Variants in LHX8 observed in about 807,000 individuals in gnomAD.
LHX8 encodes the protein LIM/homeobox protein Lhx8.
In LHX8, 12 loss-of-function variants were observed where a neutral mutation model predicts 40.3. The ratio of observed to expected loss-of-function variants is 0.30; its 90% CI spans 0.19 to 0.48. The LOEUF is 0.48. LHX8 is among the 20% of genes least tolerant of loss of function. The pLI is 0.99. For synonymous variants in LHX8, 179 were observed against 162.0 expected (o/e 1.10, Z -0.80); for missense variants, 344 against 433.7 (o/e 0.79, Z 1.84).
At chr1:75,183,986 A>G in the LHX8 span, among the ~76,000 whole-genome samples, 1 of 152,098 alleles carries the variant, frequency 6.6e-6, no homozygotes, top group Non-Finnish European at 1.5e-5. Context: ...TCCTAATTTC[A>G]GACAAAACAG....
chr1:75,134,701 G>A lies in LHX8; in HGVS notation c.-266G>A, dbSNP rs1648069000. ...GGAGCTGGCAGTTCCCCCTGAGAAG[G>A]TGAGCGAGCCGACGCCTGGCCAGAC... On this transcript the variant is annotated 5_prime_UTR_variant, in exon 1 of 9. It adds an upstream start codon to the 5' untranslated region. Transcript: ENST00000356261. Among the ~76,000 whole-genome samples, 1 of 152,150 alleles carries A rather than the reference G, an allele frequency of 6.6e-6. No homozygotes were observed. The highest frequency in any genetic ancestry group is 6.5e-5 in the Admixed American group (1 of 15,282).
intron 1 of LHX8, among the ~76,000 whole-genome samples, chr1:75,128,898 A>G (rs1330567623): frequency 6.6e-6 from 1 of 152,208 alleles, no homozygotes; most frequent in African/African-American, 2.4e-5. Flanking sequence ...TCTGCAGCCC[A>G]GGGAGGTGCG....
In LHX8 at chr1:75,153,815, A is replaced by G. The variant is rs144705883; in HGVS notation, c.781-3078A>G. On this transcript the variant is annotated intron_variant, in intron 7 of 8. Transcript: ENST00000356261. ...ATTATTTACGCCTAAACTTTAATTT[A>G]TCTGGCTTGGTTCATGGGAGATAGG... Among the ~76,000 whole-genome samples, 517 of 152,298 alleles carry G rather than the reference A, an allele frequency of 3.4e-3. 3 individuals are homozygous for G. The highest frequency in any genetic ancestry group is 0.012 in the African/African-American group (489 of 41,554).
At chr1:75,158,875 G>A (rs1448010807) in intron 8 of LHX8, among the ~76,000 whole-genome samples, 1 of 152,040 alleles carries the variant, frequency 6.6e-6, no homozygotes, top group Non-Finnish European at 1.5e-5. Flanking sequence ...TACCCCAAAA[G>A]GGAAAACAAT....
At chr1:75,149,254 T>C (rs1648542810) in intron 7 of LHX8, among the ~76,000 whole-genome samples, 1 of 152,238 alleles carries the variant, frequency 6.6e-6, no homozygotes, top group Non-Finnish European at 1.5e-5. Flanking sequence ...GCAAGTTTTT[T>C]CAAATGTAGA....
intron 8 of LHX8, among the ~76,000 whole-genome samples, chr1:75,158,235 A>C (rs946191258): frequency 6.6e-6 from 1 of 151,624 alleles, no homozygotes; most frequent in Non-Finnish European, 1.5e-5. Context: ...GCTTGTCTTT[A>C]TTATTTATTT....
At chr1:75,176,416 T>A in the LHX8 span, among the ~76,000 whole-genome samples, 1 of 152,218 alleles carries the variant, frequency 6.6e-6, no homozygotes, top group African/African-American at 2.4e-5. Context: ...ATTTCTCTGA[T>A]GGCCAGTGAT....
At chr1:75,176,961 T>A in the LHX8 span, among the ~76,000 whole-genome samples, 1 of 152,196 alleles carries the variant, frequency 6.6e-6, no homozygotes, top group Non-Finnish European at 1.5e-5. Flanking sequence ...TTTTGTCAGG[T>A]TTGTCAAAGA....
At chr1:75,166,180 T>C (rs1394574287), downstream of LHX8, among the ~76,000 whole-genome samples, 4 of 152,236 alleles carry the variant, frequency 2.6e-5, no homozygotes, top group Non-Finnish European at 5.9e-5. Flanking sequence ...TGTGCATTTC[T>C]TTAAATAAAG....
chr1:75,143,332 G>A lies in LHX8; in HGVS notation c.574G>A (p.Glu192Lys), dbSNP rs755990929. 3 of 1,606,084 alleles carry A rather than the reference G, an allele frequency of 1.9e-6. No homozygotes were observed. The highest frequency in any genetic ancestry group is 2.6e-6 in the Non-Finnish European group (3 of 1,173,760). ...GCTGGATAATTTAAAAAGAGAAGTAGAAAATGGTAAATATGTACTTAAATA... is the reference window on the plus strand; with the variant it reads ...GCTGGATAATTTAAAAAGAGAAGTAAAAAATGGTAAATATGTACTTAAATA... The part of the protein sequence containing the change: ...CMLDNLKREV[E>K]NGNGISVEGA... The change falls in exon 5 of 9, where the codon GAA (glutamate) becomes AAA (lysine). Residue 192 changes from glutamate (E) to lysine (K), a missense_variant. Physicochemically the swap from Glu to Lys is moderately conservative, Grantham distance 56. Coordinates refer to ENST00000356261, the MANE Select transcript of LHX8 (RefSeq NM_001256114.2).
At chr1:75,170,780 G>T in the LHX8 span, among the ~76,000 whole-genome samples, 1 of 152,134 alleles carries the variant, frequency 6.6e-6, no homozygotes, top group African/African-American at 2.4e-5. Context: ...GATGGTCAGA[G>T]ATCACACTTT....
At chr1:75,158,027 C>CA (rs1192240271) in intron 8 of LHX8, among the ~76,000 whole-genome samples, 1 of 152,176 alleles carries the variant, frequency 6.6e-6, no homozygotes, top group African/African-American at 2.4e-5. Context: ...CCTTGACCAG[C>CA]AGCAAGGTTC....
At chr1:75,144,783 G>A (rs1265748859) in intron 6 of LHX8, among the ~76,000 whole-genome samples, 1 of 152,016 alleles carries the variant, frequency 6.6e-6, no homozygotes, top group Non-Finnish European at 1.5e-5. Flanking sequence ...CACACTGCTG[G>A]GTACCTTATA....
the LHX8 span, among the ~76,000 whole-genome samples, chr1:75,186,406 T>C: frequency 6.6e-6 from 1 of 152,126 alleles, no homozygotes; most frequent in African/African-American, 2.4e-5. Context: ...AACCATCTGA[T>C]CTCTGACAAA....
intron 6 of LHX8, 55 bp from the exon 7 acceptor site, chr1:75,148,532 G>A (rs1648523168): frequency 8.3e-7 from 1 of 1,202,132 alleles, no homozygotes; most frequent in Non-Finnish European, 1.2e-6. Context: ...AATGCAGGAA[G>A]AAGACTGAGC....
chr1:75,136,703 G>C lies in LHX8; in HGVS notation c.75+14G>C. ...GAAGAGGGACTGGTGAGTGCGGAGGGGCTCGCGTGCTGGCAAGACTGGCCG... is the reference window on the plus strand; with the variant it reads ...GAAGAGGGACTGGTGAGTGCGGAGGCGCTCGCGTGCTGGCAAGACTGGCCG... On this transcript the variant is annotated intron_variant, in intron 2 of 8. Transcript: ENST00000356261. The C allele has an allele frequency of 6.5e-7, 1 of 1,539,572 alleles. No homozygotes were observed. Among genetic ancestry groups the C allele is most frequent in the Non-Finnish European group, 8.7e-7 (1 of 1,144,832 alleles).
rs1015606127 is a variant in LHX8 at position 75,160,749 on chromosome 1, TTTTG to T, written c.965-62_965-59del. ...TGATGAAAACAATGCCTTGGATTGTTTTTGTTTGTTTATAAATCAGTTTTATGCA... is the reference window on the plus strand; with the variant it reads ...TGATGAAAACAATGCCTTGGATTGTTTTTGTTTATAAATCAGTTTTATGCA... On this transcript the variant is annotated intron_variant, in intron 8 of 8. Coordinates refer to ENST00000356261, the MANE Select transcript of LHX8 (RefSeq NM_001256114.2). 27 of 1,033,370 alleles carry T rather than the reference TTTTG, an allele frequency of 2.6e-5. 1 individual carries two copies. Among genetic ancestry groups the T allele is most frequent in the Admixed American group, 1.0e-4 (6 of 59,150 alleles). The allele number at this position is 1,033,370 out of a possible 1,614,324, so 64.0% of individuals were successfully genotyped here.
At chr1:75,196,136 T>G in the LHX8 span, among the ~76,000 whole-genome samples, 1 of 152,144 alleles carries the variant, frequency 6.6e-6, no homozygotes, top group Non-Finnish European at 1.5e-5. Flanking sequence ...ACGATCGAGT[T>G]GGATTTTTTT....
chr1:75,196,920 T>G, the LHX8 span, among the ~76,000 whole-genome samples: 2 of 152,118 alleles, frequency 1.3e-5, no homozygotes, highest in African/African-American at 2.4e-5. Flanking sequence ...TAAGTTCCAT[T>G]AAGGACTCTT....
Sources: gnomAD v4.1 joint callset for allele counts (sites outside exome capture counted in the v4.1 genomes callset) on GRCh38, gnomAD v4.1.1 for gene constraint, MANE v1.5 for transcripts, NCBI Gene and HGNC (gene_info 2026-07-23, HGNC 2026-07-21) for gene names.